The following TRIM46 variants were observed in gnomAD, a reference collection of about 807,000 sequenced individuals.
TRIM46 encodes the protein tripartite motif containing 46.
A neutral mutation model predicts 69.7 loss-of-function variants in TRIM46; 17 were observed. The ratio of observed to expected loss-of-function variants is 0.24; its 90% CI spans 0.17 to 0.37. The LOEUF (loss-of-function observed/expected upper bound fraction) is 0.37, where lower values mean the gene tolerates loss of function less well. Ranked by LOEUF, TRIM46 falls within the 10% of genes least tolerant of loss-of-function variation. The probability of loss-of-function intolerance (pLI) is 1.00; values close to 1 mark genes in which losing one functional copy is unlikely to be tolerated. For missense variants in TRIM46, 675 were observed against 1,025.1 expected (o/e 0.66, Z 4.66); for synonymous variants, 391 against 429.0 (o/e 0.91, Z 1.09).
chr1:155,174,848 T>TG (rs1431253732), intron 1 of TRIM46: 3 of 1,413,566 alleles, frequency 2.1e-6, no homozygotes, highest in East Asian at 2.7e-5. Context: ...GTAAGACCGA[T>TG]GGGGAAGTGA....
chr1:155,174,714 G>T, intron 1 of TRIM46: 1 of 1,450,976 alleles, frequency 6.9e-7, no homozygotes, highest in Non-Finnish European at 9.1e-7. Flanking sequence ...GACTTCCGGT[G>T]GGGAGGGGGC....
At chr1:155,174,904 C>T in intron 1 of TRIM46, 11 of 1,407,134 alleles carry the variant, frequency 7.8e-6, no homozygotes, top group Non-Finnish European at 1.0e-5. Context: ...GGAGCTGCGG[C>T]AGGAGGACGT....
rs1486901968 is a variant in TRIM46 at position 155,183,848 on chromosome 1, G to C, written c.1938G>C (p.Glu646Asp). Residue 646 changes from glutamate (E) to aspartate (D), a missense_variant, in exon 10 of 10, where the codon GAG becomes GAC. Glu to Asp is a conservative substitution (Grantham distance 45). Transcript: ENST00000334634. ...HDSGAEDATV[E>D]ASPPFAFLTI... ...GCGGTGCCGAGGATGCCACAGTGGA[G>C]GCGTCGCCACCCTTCGCTTTCCTAA... 2 of 1,611,236 alleles carry C rather than the reference G, an allele frequency of 1.2e-6. No individual in the cohort carries two copies. Among genetic ancestry groups the C allele is most frequent in the Non-Finnish European group, 8.5e-7 (1 of 1,180,036 alleles).
rs772560670 is a variant in TRIM46 at position 155,183,872 on chromosome 1, A to C, written c.1962A>C (p.Leu654=). 3 of 1,613,116 alleles carry C rather than the reference A, an allele frequency of 1.9e-6. No homozygotes were observed. Among genetic ancestry groups the C allele is most frequent in the Non-Finnish European group, 2.5e-6 (3 of 1,180,020 alleles). The change falls in exon 10 of 10, where the codon CTA becomes CTC. Residue 654 remains leucine (L), a synonymous_variant. Transcript: ENST00000334634. ...AGGCGTCGCCACCCTTCGCTTTCCTAACCATTGGCATGGGCAAGATCCTGC... is the reference window on the plus strand; with the variant it reads ...AGGCGTCGCCACCCTTCGCTTTCCTCACCATTGGCATGGGCAAGATCCTGC... ...TVEASPPFAF[L]TIGMGKILLG...
At chr1:155,179,135 G>T (rs1665942972) in intron 7 of TRIM46, among the ~76,000 whole-genome samples, 1 of 152,072 alleles carries the variant, frequency 6.6e-6, no homozygotes, top group Non-Finnish European at 1.5e-5. Context: ...CTGTCCCTCT[G>T]TTGTCCCCAC....
Position 155,178,126 on chromosome 1 carries a change from G to C in TRIM46, c.1034G>C (p.Arg345Pro). ...GAATGCCAGCAGGAGCGGCTGGCCC[G>C]TCTCAGCGCCCAGATCCAGGAGCAC... ...IEECQQERLARLSAQIQEHRS... is the reference protein window; with the variant it reads ...IEECQQERLAPLSAQIQEHRS... The change falls in exon 6 of 10, where the codon CGT (arginine) becomes CCT (proline). Residue 345 changes from arginine to proline, a missense_variant. Physicochemically the swap from Arg to Pro is moderately radical, Grantham distance 103. This residue lies in a region of TRIM46 where 361 missense variants were observed against 498.3 expected (regional missense o/e 0.72). Coordinates refer to ENST00000334634, the MANE Select transcript of TRIM46 (RefSeq NM_025058.5). 1.2e-6 allele frequency: 2 copies of C among 1,614,144 alleles called. No individual in the cohort carries two copies. Among genetic ancestry groups the C allele is most frequent in the Non-Finnish European group, 1.7e-6 (2 of 1,180,012 alleles).
Position 155,175,589 on chromosome 1 carries a change from C to G in TRIM46, c.267C>G (p.Pro89=). The change falls in exon 2 of 10, where the codon CCC becomes CCG. Residue 89 remains proline, a synonymous_variant. Transcript: ENST00000334634. This position sits in a 1 kb window ranked among gnomAD's most constrained non-coding sequence, Gnocchi z 4.2. ...CCTCCACCCCTTCCACCCGCAGCCC[C>G]CGCCTCTCCCGCAGAACTCTCCCCA... The part of the protein sequence containing the change: ...SPASTPSTRS[P]RLSRRTLPKP... 1.2e-6 allele frequency: 2 copies of G among 1,613,814 alleles called. No individual in the cohort carries two copies. Among genetic ancestry groups the G allele is most frequent in the Non-Finnish European group, 1.7e-6 (2 of 1,179,962 alleles).
In TRIM46 at chr1:155,173,966, C is replaced by T; in HGVS notation, c.-1C>T. The T allele has an allele frequency of 6.4e-7, 1 of 1,574,396 alleles. No individual in the cohort carries two copies. The highest frequency in any genetic ancestry group is 1.2e-5 in the South Asian group (1 of 86,104). ...CAGGGGCGGGCGGGCACGGTAGGGC[C>T]ATGGCAGAGGGTGAGGATATGCAGA... On this transcript the variant is annotated 5_prime_UTR_variant, in exon 1 of 10. Transcript: ENST00000334634.
intron 8 of TRIM46, chr1:155,180,445 CT>C: frequency 2.4e-6 from 1 of 421,506 alleles, no homozygotes; most frequent in South Asian, 5.2e-5. Context: ...GAATACAAAA[CT>C]TAGCCAGGCG....
At chr1:155,174,664 A>G (rs2147775151) in intron 1 of TRIM46, 1 of 1,490,828 alleles carries the variant, frequency 6.7e-7, no homozygotes, top group African/African-American at 1.4e-5. Flanking sequence ...GGTGGGGCAT[A>G]GCCTGAGGAC....
At chr1:155,183,624 A>C (rs529779014) in intron 9 of TRIM46, among the ~76,000 whole-genome samples, 173 bp from the exon 10 acceptor site, 1 of 151,386 alleles carries the variant, frequency 6.6e-6, no homozygotes, top group East Asian at 1.9e-4. Context: ...CCAAACCCAA[A>C]CCCCTGACCC....
Position 155,175,591 on chromosome 1 carries a change from G to C in TRIM46, c.269G>C (p.Arg90Pro), listed in dbSNP as rs866560615. The change falls in exon 2 of 10, where the codon CGC (arginine) becomes CCC (proline). Residue 90 changes from arginine (R) to proline (P), a missense_variant. Around this residue, in one of 5 missense-constraint regions of TRIM46, gnomAD observed 170 missense variants for 255.6 expected, o/e 0.67. Coordinates refer to ENST00000334634, the MANE Select transcript of TRIM46 (RefSeq NM_025058.5). The surrounding 1 kb of genome is among the most constrained non-coding windows in gnomAD (Gnocchi z 4.2). ...PASTPSTRSP[R>P]LSRRTLPKPD... Reference sequence around the variant, plus strand: ...TCCACCCCTTCCACCCGCAGCCCCCGCCTCTCCCGCAGAACTCTCCCCAAG... The same window carrying C: ...TCCACCCCTTCCACCCGCAGCCCCCCCCTCTCCCGCAGAACTCTCCCCAAG... The C allele has an allele frequency of 1.2e-6, 2 of 1,613,666 alleles. No homozygotes were observed. The highest frequency in any genetic ancestry group is 1.1e-5 in the South Asian group (1 of 91,060).
In TRIM46 at chr1:155,181,234, C is replaced by T. The variant is rs777804772; in HGVS notation, c.1589-618C>T. ...CAGCCTGGGGAACAGTGTGAGACTC[C>T]GTCTCAAAAACATATATATATTTTT... On this transcript the variant is annotated intron_variant, in intron 8 of 9. Transcript: ENST00000334634. The surrounding 1 kb of genome is among the most constrained non-coding windows in gnomAD (Gnocchi z 4.3). Among the ~76,000 whole-genome samples, 4 of 152,116 alleles carry T rather than the reference C, an allele frequency of 2.6e-5. No homozygotes were observed. The highest frequency in any genetic ancestry group is 4.1e-4 in the South Asian group (2 of 4,832).
intron 3 of TRIM46, 79 bp from the exon 4 acceptor site, chr1:155,176,853 C>A: frequency 6.5e-7 from 1 of 1,543,660 alleles, no homozygotes; most frequent in Non-Finnish European, 8.9e-7. Flanking sequence ...TGGAGGAGGG[C>A]ACCAAACTGC....
In TRIM46 at chr1:155,175,288, C is replaced by T. The variant is rs1373383394; in HGVS notation, c.64-98C>T. The T allele has an allele frequency of 1.0e-5, 16 of 1,567,508 alleles. No individual in the cohort carries two copies. Among genetic ancestry groups the T allele is most frequent in the African/African-American group, 1.4e-5 (1 of 72,314 alleles). On this transcript the variant is annotated intron_variant, in intron 1 of 9. Coordinates refer to ENST00000334634, the MANE Select transcript of TRIM46 (RefSeq NM_025058.5). The surrounding 1 kb of genome is among the most constrained non-coding windows in gnomAD (Gnocchi z 4.2). The stretch of plus-strand genomic sequence containing the variant: ...AAAGCTGCAGGTAGCTTGTCTTGCT[C>T]CTTCCTCAGACCCCTAGGGTATCCA...
At position 155,181,748 on chromosome 1, in the gene TRIM46, G is replaced by A; in HGVS notation, c.1589-104G>A. 1 of 1,302,144 alleles carries A rather than the reference G, an allele frequency of 7.7e-7. No homozygotes were observed. Among genetic ancestry groups the A allele is most frequent in the Non-Finnish European group, 1.1e-6 (1 of 941,664 alleles). 80.7% of individuals were successfully genotyped at this position (1,302,144 alleles called of 1,614,324 possible). On this transcript the variant is annotated intron_variant, in intron 8 of 9. Coordinates refer to ENST00000334634, the MANE Select transcript of TRIM46 (RefSeq NM_025058.5). This position sits in a 1 kb window ranked among gnomAD's most constrained non-coding sequence, Gnocchi z 4.3. ...AACCCCCTGCCTGTTCCTGGTGACT[G>A]AACCCCCTTGCAACGCGTTCCCTGT...
intron 7 of TRIM46, among the ~76,000 whole-genome samples, chr1:155,179,241 C>T (rs551177008): frequency 2.1e-4 from 32 of 152,326 alleles, no homozygotes; most frequent in Non-Finnish European, 4.0e-4. Context: ...TGGCCTTTGC[C>T]TGCCCCTCCC....
In TRIM46 at chr1:155,182,000, T is replaced by C; in HGVS notation, c.1737T>C (p.Asp579=). The change falls in exon 9 of 10, where the codon GAT becomes GAC. Residue 579 remains aspartate (D), a synonymous_variant. Transcript: ENST00000334634. This position sits in a 1 kb window ranked among gnomAD's most constrained non-coding sequence, Gnocchi z 4.3. ...RLLTGCHLSV[D]VVLGDVAVTQ... ...TGACCGGCTGCCACCTGAGTGTGGA[T>C]GTGGTCCTGGGCGACGTGGCTGTGA... 6.2e-7 allele frequency: 1 copy of C among 1,613,706 alleles called. No homozygotes were observed. The highest frequency in any genetic ancestry group is 1.1e-5 in the South Asian group (1 of 91,074).
At chr1:155,183,522 A>G (rs1331575124) in intron 9 of TRIM46, among the ~76,000 whole-genome samples, 5 of 151,796 alleles carry the variant, frequency 3.3e-5, no homozygotes, top group African/African-American at 1.2e-4. Flanking sequence ...ATTTTTCTCA[A>G]TGCCTTTCCG....
Sources: allele counts gnomAD v4.1 joint callset (sites outside exome capture counted in the v4.1 genomes callset), GRCh38; gene constraint gnomAD v4.1.1; regional missense constraint gnomAD v4.1.1; non-coding constraint Gnocchi (gnomAD v3.1); transcripts MANE v1.5; gene names NCBI Gene and HGNC (gene_info 2026-07-23, HGNC 2026-07-21).